YES1: variants seen among roughly 807,000 people sequenced by gnomAD.
The protein encoded by YES1 is YES proto-oncogene 1, Src family tyrosine kinase.
YES1 carries 39 observed loss-of-function variants against 70.4 expected under a neutral mutation model. That is an observed-to-expected ratio of 0.55 (90% confidence interval 0.43 to 0.72). The LOEUF (loss-of-function observed/expected upper bound fraction) is 0.72, where lower values mean the gene tolerates loss of function less well. YES1 is among the 30% of genes least tolerant of loss of function. The pLI, the probability that YES1 is intolerant of heterozygous loss-of-function variation, is 0.00. For missense variants in YES1, 495 were observed against 644.8 expected (o/e 0.77, Z 2.52); for synonymous variants, 198 against 218.6 (o/e 0.91, Z 0.83).
chr18:737,169 C>T, intron 9 of YES1: 1 of 501,480 alleles, frequency 2.0e-6, no homozygotes, highest in Non-Finnish European at 3.5e-6. Flanking sequence ...AAATCTAACA[C>T]TGGCTGGGTG....
At chr18:756,890 AAGAC>A in intron 1 of YES1, 55 bp from the exon 2 acceptor site, 2 of 1,489,282 alleles carry the variant, frequency 1.3e-6, no homozygotes, top group Non-Finnish European at 1.8e-6. Flanking sequence ...ATACTTCAAA[AAGAC>A]AGGGTTCAAA....
chr18:747,299 T>C (rs2080291932), intron 4 of YES1, among the ~76,000 whole-genome samples: 1 of 152,042 alleles, frequency 6.6e-6, no homozygotes, highest in African/African-American at 2.4e-5. Context: ...CGAAACCCCG[T>C]CTCTACTAAA....
rs960970286 is a variant in YES1 at position 721,920 on chromosome 18, C to T, written c.*2504G>A. The T allele has an allele frequency of 2.6e-5, 4 of 152,532 alleles. No homozygotes were observed. Among genetic ancestry groups the T allele is most frequent in the African/African-American group, 7.2e-5 (3 of 41,428 alleles). 9.4% of individuals were successfully genotyped at this position (152,532 alleles called of 1,614,324 possible). A position where few individuals can be genotyped will look rare whatever the true frequency, so the allele number is the denominator to read the frequency against. ...AACTTCCACATTAAGACACTGAAGA[C>T]GAAAAGCTGTTGGAAAATATCTCCA... On this transcript the variant is annotated 3_prime_UTR_variant, in exon 12 of 12. Transcript: ENST00000314574.
chr18:769,612 C>CA (rs1265429712), intron 1 of YES1, among the ~76,000 whole-genome samples: 9 of 152,262 alleles, frequency 5.9e-5, no homozygotes, highest in Admixed American at 1.3e-4. Context: ...TGTTTGCTGA[C>CA]AGTTTTTATC....
intron 1 of YES1, chr18:775,183 A>G (rs936149401): frequency 3.3e-5 from 5 of 152,186 alleles, no homozygotes; most frequent in Non-Finnish European, 7.3e-5. Context: ...TATATAAAAA[A>G]CACACCTAAC....
chr18:756,933 C>T (rs1437988691), intron 1 of YES1, 98 bp from the exon 2 acceptor site: 4 of 1,189,588 alleles, frequency 3.4e-6, no homozygotes, highest in Non-Finnish European at 4.6e-6. Flanking sequence ...CATATGCCAT[C>T]CCTGCAAAAA....
chr18:768,852 GCCA>G (rs928842923), intron 1 of YES1, among the ~76,000 whole-genome samples: 3 of 151,940 alleles, frequency 2.0e-5, no homozygotes, highest in African/African-American at 7.3e-5. Context: ...ACAGGCATCT[GCCA>G]CCACGCCTGG....
intron 1 of YES1, among the ~76,000 whole-genome samples, chr18:803,740 G>A (rs527822107): frequency 6.6e-6 from 1 of 152,264 alleles, no homozygotes; most frequent in Admixed American, 6.5e-5. Flanking sequence ...GACTGGCAAG[G>A]CTACAGGTTC....
At chr18:803,105 C>T (rs1417711959) in intron 1 of YES1, among the ~76,000 whole-genome samples, 1 of 152,080 alleles carries the variant, frequency 6.6e-6, no homozygotes, top group African/African-American at 2.4e-5. Context: ...TGGTGGCTCA[C>T]AACTGTGGTC....
chr18:801,381 AG>A (rs915894470), intron 1 of YES1, among the ~76,000 whole-genome samples: 10 of 152,180 alleles, frequency 6.6e-5, no homozygotes, highest in African/African-American at 2.2e-4. Flanking sequence ...TATAAGAATG[AG>A]GAACAAGCCA....
intron 1 of YES1, among the ~76,000 whole-genome samples, chr18:780,055 G>A (rs977003337): frequency 6.6e-6 from 1 of 152,058 alleles, no homozygotes; most frequent in African/African-American, 2.4e-5. Context: ...CCAACATGGT[G>A]AAAGCTTGTC....
At chr18:760,886 A>G (rs1211779337) in intron 1 of YES1, among the ~76,000 whole-genome samples, 2 of 152,174 alleles carry the variant, frequency 1.3e-5, no homozygotes, top group Admixed American at 6.6e-5. Flanking sequence ...ATATATAATA[A>G]ATGTACACAT....
intron 1 of YES1, among the ~76,000 whole-genome samples, chr18:759,600 A>G (rs1391303805): frequency 1.3e-5 from 2 of 150,966 alleles, no homozygotes; most frequent in Non-Finnish European, 3.0e-5. Context: ...TGTACTAAAT[A>G]ACGTACAGAC....
At chr18:732,156 A>G (rs2080097957) in intron 11 of YES1, among the ~76,000 whole-genome samples, 1 of 149,578 alleles carries the variant, frequency 6.7e-6, no homozygotes, top group African/African-American at 2.4e-5. Flanking sequence ...AAAATATACC[A>G]TGATGGGCAC....
chr18:795,326 A>G (rs1219804648), intron 1 of YES1, among the ~76,000 whole-genome samples: 2 of 152,320 alleles, frequency 1.3e-5, no homozygotes, highest in East Asian at 3.9e-4. Flanking sequence ...GGGGACACGT[A>G]TACACACATA....
intron 6 of YES1, among the ~76,000 whole-genome samples, chr18:745,277 G>A (rs998972466): frequency 6.6e-6 from 1 of 152,084 alleles, no homozygotes; most frequent in Admixed American, 6.6e-5. Flanking sequence ...AAAATGCATC[G>A]TCAGACCAAA....
rs1460601248 is a variant in YES1 at position 734,228 on chromosome 18, A to G, written c.1292-1263T>C. Among the ~76,000 whole-genome samples the G allele has an allele frequency of 2.6e-5, 4 of 151,612 alleles. No individual in the cohort carries two copies. In the South Asian group the frequency reaches 8.3e-4, roughly 32 times the overall value. On this transcript the variant is annotated intron_variant, in intron 10 of 11. Transcript: ENST00000314574. ...TGGGGGGCAGAGGTTGCAGTGAGCC[A>G]AGATCATGCCACTTCACTCCAGTCT...
At chr18:745,152 G>A (rs942284194) in intron 6 of YES1, among the ~76,000 whole-genome samples, 3 of 152,084 alleles carry the variant, frequency 2.0e-5, no homozygotes, top group Non-Finnish European at 1.5e-5. Context: ...GCATTCATAT[G>A]CCAAATTGGT....
chr18:778,178 C>T (rs1040714159), intron 1 of YES1, among the ~76,000 whole-genome samples: 1 of 152,174 alleles, frequency 6.6e-6, no homozygotes, highest in African/African-American at 2.4e-5. Flanking sequence ...TGCTCAAGGA[C>T]AGGGGGCTAA....
Sources: allele counts gnomAD v4.1 joint callset (sites outside exome capture counted in the v4.1 genomes callset), GRCh38; gene constraint gnomAD v4.1.1; transcripts MANE v1.5; gene names NCBI Gene and HGNC (gene_info 2026-07-23, HGNC 2026-07-21).